The following MTMR8 variants were observed in gnomAD, a reference collection of about 807,000 sequenced individuals.
MTMR8 encodes phosphatidylinositol-3,5-bisphosphate 3-phosphatase MTMR8.
MTMR8 carries 65 observed loss-of-function variants against 39.3 expected under a neutral mutation model. That is an observed-to-expected ratio of 1.65 (90% CI 1.35 to 2.03). The LOEUF (loss-of-function observed/expected upper bound fraction) is 2.03. Ranked by LOEUF, MTMR8 falls within the 30% of genes most tolerant of loss-of-function variation. The probability of loss-of-function intolerance (pLI) is 0.00; values close to 1 mark genes in which losing one functional copy is unlikely to be tolerated. For missense variants in MTMR8, 777 were observed against 538.9 expected (o/e 1.44, Z -4.37); for synonymous variants, 245 against 185.2 (o/e 1.32, Z -2.62).
At chrX:64,310,889 C>G (rs1229098246) in intron 12 of MTMR8, among the ~76,000 whole-genome samples, 1 of 112,119 alleles carries the variant, frequency 8.9e-6, no homozygotes, top group East Asian at 2.8e-4. Context: ...TTTCCTTAAT[C>G]CAGTCTATCA....
At chrX:64,310,686 T>C (rs1210211993) in intron 12 of MTMR8, among the ~76,000 whole-genome samples, 1 of 109,993 alleles carries the variant, frequency 9.1e-6, no homozygotes, top group African/African-American at 3.3e-5. Flanking sequence ...GTGTGTGATG[T>C]TCCTTACCCT....
intron 8 of MTMR8, 53 bp downstream of exon 8, chrX:64,343,558 C>T (rs762934860): frequency 2.6e-6 from 2 of 755,114 alleles, no homozygotes; most frequent in Non-Finnish European, 4.0e-6. Flanking sequence ...ACTACTACTT[C>T]AATATATCCC....
intron 12 of MTMR8, among the ~76,000 whole-genome samples, chrX:64,322,407 T>C (rs1922675973): frequency 8.9e-6 from 1 of 111,832 alleles, no homozygotes; most frequent in Admixed American, 9.5e-5. Flanking sequence ...TATTAGAGTA[T>C]GCTGTTTTTA....
chrX:64,317,875 C>A (rs1234884535), intron 12 of MTMR8, among the ~76,000 whole-genome samples: 1 of 112,350 alleles, frequency 8.9e-6, no homozygotes, highest in Non-Finnish European at 1.9e-5. Context: ...TCCACTGACA[C>A]TTGAGTTGGG....
At chrX:64,347,230 A>G (rs1602141094) in intron 6 of MTMR8, among the ~76,000 whole-genome samples, 1 of 111,176 alleles carries the variant, frequency 9.0e-6, no homozygotes, top group East Asian at 2.9e-4. Context: ...GGAGAGAGGA[A>G]AATGGAACCT....
At chrX:64,392,623 C>G (rs979603681) in intron 1 of MTMR8, among the ~76,000 whole-genome samples, 2 of 110,201 alleles carry the variant, frequency 1.8e-5, no homozygotes, top group African/African-American at 6.6e-5. Context: ...TTTTTTTAAT[C>G]TCAGTAGCGG....
intron 1 of MTMR8, among the ~76,000 whole-genome samples, chrX:64,379,529 T>A (rs971287039): frequency 1.8e-5 from 2 of 111,532 alleles, no homozygotes; most frequent in Non-Finnish European, 3.8e-5. Context: ...CTCAAAGATG[T>A]GAGGGAAGGA....
At chrX:64,323,911 A>T (rs183341059) in intron 12 of MTMR8, among the ~76,000 whole-genome samples, 2 of 112,764 alleles carry the variant, frequency 1.8e-5, no homozygotes, top group Admixed American at 1.9e-4. Context: ...GACACAGCTA[A>T]TGCAGTTCTA....
rs139492339 is a variant in MTMR8 at position 64,268,865 on chromosome X, G to A, written c.1787C>T (p.Ala596Val). The A allele has an allele frequency of 4.1e-6, 5 of 1,211,590 alleles. No individual in the cohort carries two copies. The highest frequency in any genetic ancestry group is 5.6e-6 in the Non-Finnish European group (5 of 895,489). The part of the protein sequence containing the change: ...GTLSREGGLR[A>V]QMDQVKSQGA... ...CTGGCTTTTTACTTGATCCATCTGA[G>A]CTCGGAGGCCTCCTTCCCTGGATAG... Residue 596 changes from alanine to valine, a missense_variant, in exon 14 of 14, where the codon GCT (alanine) becomes GTT (valine). By Grantham distance (64) the Ala-to-Val change is moderately conservative. Coordinates refer to ENST00000374852, the MANE Select transcript of MTMR8 (RefSeq NM_017677.4).
At chrX:64,383,454 T>C (rs750140203) in intron 1 of MTMR8, among the ~76,000 whole-genome samples, 29 of 108,960 alleles carry the variant, frequency 2.7e-4, no homozygotes, top group African/African-American at 9.6e-4. Context: ...ATGTATATTA[T>C]TATACATACA....
chrX:64,394,722 T>C (rs1924776613), intron 1 of MTMR8, among the ~76,000 whole-genome samples: 1 of 112,009 alleles, frequency 8.9e-6, no homozygotes, highest in African/African-American at 3.2e-5. Context: ...TAGATAAACC[T>C]CTTGGGTTTC....
At chrX:64,300,933 T>C (rs1258158873) in intron 12 of MTMR8, among the ~76,000 whole-genome samples, 1 of 110,459 alleles carries the variant, frequency 9.1e-6, no homozygotes, top group Admixed American at 9.6e-5. Context: ...GTAGGGTTTC[T>C]GCCGAGAGAT....
At chrX:64,313,767 T>A (rs1922382893) in intron 12 of MTMR8, among the ~76,000 whole-genome samples, 1 of 112,654 alleles carries the variant, frequency 8.9e-6, no homozygotes, top group Admixed American at 9.4e-5. Context: ...TTTCTTTCCA[T>A]ATTCTGCATT....
intron 12 of MTMR8, among the ~76,000 whole-genome samples, chrX:64,299,396 G>GT (rs1002312216): frequency 4.7e-5 from 5 of 106,937 alleles, no homozygotes; most frequent in African/African-American, 1.7e-4. Flanking sequence ...TCTGATGGTA[G>GT]TTTTTATTTC....
At chrX:64,311,465 G>A (rs1320083602) in intron 12 of MTMR8, among the ~76,000 whole-genome samples, 2 of 111,566 alleles carry the variant, frequency 1.8e-5, no homozygotes, top group Non-Finnish European at 3.8e-5. Context: ...TCTGATGATA[G>A]TTTCTTTTGC....
chrX:64,363,586 ACTT>A (rs1373945582), intron 1 of MTMR8, among the ~76,000 whole-genome samples: 4 of 111,916 alleles, frequency 3.6e-5, no homozygotes, highest in Admixed American at 2.8e-4. Context: ...AGCCAATTAA[ACTT>A]CTTTTCTTTA....
chrX:64,365,168 C>A (rs1179117516), intron 1 of MTMR8, among the ~76,000 whole-genome samples: 1 of 111,325 alleles, frequency 9.0e-6, no homozygotes, highest in African/African-American at 3.3e-5. Context: ...AGAATGGAAC[C>A]AAGTTGGAAA....
rs778733873 is a variant in MTMR8, at chrX:64,345,079, A to G, written c.831T>C (p.His277=). ...RFRFMGIENI[H]VMRSSLQKLL... Reference sequence around the variant, plus strand: ...GTTTCTGCAGACTGCTCCGCATTACATGGATGTTCTCAATGCCCATGAATC... The same window carrying G: ...GTTTCTGCAGACTGCTCCGCATTACGTGGATGTTCTCAATGCCCATGAATC... The change falls in exon 7 of 14, where the codon CAT becomes CAC. Residue 277 remains histidine (H), a synonymous_variant. Transcript: ENST00000374852. 1.2e-5 allele frequency: 15 copies of G among 1,211,302 alleles called. No individual in the cohort carries two copies. In the South Asian group the frequency reaches 2.1e-4, roughly 17 times the overall value.
At chrX:64,301,860 C>G (rs1921890817) in intron 12 of MTMR8, among the ~76,000 whole-genome samples, 2 of 111,958 alleles carry the variant, frequency 1.8e-5, no homozygotes, top group East Asian at 2.8e-4. Context: ...TGGGTGGTGC[C>G]TCCCAGTTAG....
Sources: gnomAD v4.1 joint callset for allele counts (sites outside exome capture counted in the v4.1 genomes callset) on GRCh38, gnomAD v4.1.1 for gene constraint, MANE v1.5 for transcripts, NCBI Gene and HGNC (gene_info 2026-07-23, HGNC 2026-07-21) for gene names.